The following CEP95 variants were observed in gnomAD, a reference collection of about 807,000 sequenced individuals.
CEP95 encodes centrosomal protein 95.
In CEP95, 98 loss-of-function variants were observed where a neutral mutation model predicts 111.2. The ratio of observed to expected loss-of-function variants is 0.88; its 90% CI spans 0.75 to 1.04. CEP95 has a LOEUF of 1.04. CEP95 is among the 50% of genes least tolerant of loss of function. The pLI is 0.00. For synonymous variants in CEP95, 323 were observed against 327.1 expected, an observed-to-expected ratio of 0.99 and a Z score of 0.14; for missense variants, 1,027 against 977.2, an observed-to-expected ratio of 1.05 and a Z score of -0.68.
chr17:64,515,164 G>A (rs1235166279), intron 4 of CEP95, among the ~76,000 whole-genome samples: 1 of 152,204 alleles, frequency 6.6e-6, no homozygotes, highest in Non-Finnish European at 1.5e-5. Flanking sequence ...CAAAAATTGA[G>A]TGTTTTATAG....
At chr17:64,528,427 G>A (rs537678480) in intron 11 of CEP95, among the ~76,000 whole-genome samples, 9 of 151,926 alleles carry the variant, frequency 5.9e-5, no homozygotes, top group African/African-American at 1.7e-4. Flanking sequence ...CCCTTTTTAT[G>A]TACATACACA....
intron 3 of CEP95, among the ~76,000 whole-genome samples, chr17:64,512,678 TACTG>T (rs560601616): frequency 2.0e-5 from 3 of 152,234 alleles, no homozygotes; most frequent in Non-Finnish European, 4.4e-5. Context: ...CTTAATTTGA[TACTG>T]ACAAGAACAA....
chr17:64,522,773 T>C lies in CEP95; in HGVS notation c.787T>C (p.Leu263=), dbSNP rs782066721. 1.2e-6 allele frequency: 2 copies of C among 1,613,720 alleles called. No individual in the cohort carries two copies. Among genetic ancestry groups the C allele is most frequent in the African/African-American group, 2.7e-5 (2 of 74,892 alleles). ...GGAGCCTATCCGAGCAGCTATTCCT[T>C]TACATCCACCCTACCACCCTTCAGA... ...LGEPIRAAIP[L]HPPYHPSEPR... is the part of the protein sequence containing the mutation. Residue 263 remains leucine (L), a synonymous_variant, in exon 8 of 20, where the codon TTA becomes CTA. Coordinates refer to ENST00000556440, the MANE Select transcript of CEP95 (RefSeq NM_138363.3).
At chr17:64,508,456 A>G in intron 1 of CEP95, 136 bp from the exon 2 acceptor site, 1 of 1,170,040 alleles carries the variant, frequency 8.5e-7, no homozygotes, top group Non-Finnish European at 1.1e-6. Flanking sequence ...GAAATTCTCT[A>G]ACAATCAAAT....
rs543630493 is a variant in CEP95, at chr17:64,507,556, G to T, written c.19+440G>T. 2.9e-6 allele frequency: 3 copies of T among 1,047,684 alleles called. No homozygotes were observed. In the African/African-American group the frequency reaches 5.1e-5, roughly 18 times the overall value. The allele number at this position is 1,047,684 out of a possible 1,614,324, so 64.9% of individuals were successfully genotyped here. ...CTGCAGAATAGTAGAATATGCCCCT[G>T]TAGAATAGTTGTGCTTTTTTCTCTT... On this transcript the variant is annotated intron_variant, in intron 1 of 19. Coordinates refer to ENST00000556440, the MANE Select transcript of CEP95 (RefSeq NM_138363.3).
At position 64,518,636 on chromosome 17, in the gene CEP95, T is replaced by C. The variant is rs185748388; in HGVS notation, c.474-685T>C. Among the ~76,000 whole-genome samples the C allele has an allele frequency of 3.3e-5, 5 of 152,294 alleles. No individual in the cohort carries two copies. In the East Asian group the frequency reaches 5.8e-4, roughly 18 times the overall value. On this transcript the variant is annotated intron_variant, in intron 5 of 19. Coordinates refer to ENST00000556440, the MANE Select transcript of CEP95 (RefSeq NM_138363.3). ...CAGGCAATGCCTTCTTTTTTAGGTATAGTACATTGTAAAAAATGTGTCTCA... is the reference window on the plus strand; with the variant it reads ...CAGGCAATGCCTTCTTTTTTAGGTACAGTACATTGTAAAAAATGTGTCTCA...
Position 64,537,688 on chromosome 17 carries a change from A to G in CEP95, c.2375A>G (p.Asp792Gly). The G allele has an allele frequency of 6.2e-7, 1 of 1,613,606 alleles. No individual in the cohort carries two copies. The highest frequency in any genetic ancestry group is 8.5e-7 in the Non-Finnish European group (1 of 1,179,678). ...CAGGACATGATAACACAGAATGATG[A>G]TGATGTTTTCTTCCGGGAACTGGAA... Reference protein sequence around the residue: ...QLQDMITQNDDDVFFRELEAE... With the variant: ...QLQDMITQNDGDVFFRELEAE... Residue 792 changes from aspartate to glycine, a missense_variant, in exon 20 of 20, where the codon GAT (aspartate) becomes GGT (glycine). Asp to Gly is a moderately conservative substitution (Grantham distance 94). Coordinates refer to ENST00000556440, the MANE Select transcript of CEP95 (RefSeq NM_138363.3).
intron 1 of CEP95, 115 bp downstream of exon 1, chr17:64,507,231 C>A: frequency 6.6e-7 from 1 of 1,523,628 alleles, no homozygotes; most frequent in Non-Finnish European, 8.8e-7. Flanking sequence ...GACCTTCAGA[C>A]GCCGCGTCGC....
chr17:64,510,203 A>G lies in CEP95; in HGVS notation c.179A>G (p.Asp60Gly), dbSNP rs1555674473. 6.2e-7 allele frequency: 1 copy of G among 1,610,508 alleles called. No individual in the cohort carries two copies. The highest frequency in any genetic ancestry group is 8.5e-7 in the Non-Finnish European group (1 of 1,178,224). Reference protein sequence around the residue: ...DLIVIPRSQEDDAHNVQAVID... With the variant: ...DLIVIPRSQEGDAHNVQAVID... ...ATAGTTATTCCTAGGAGTCAAGAAGATGATGCACACAATGTACAAGCAGTA... is the reference window on the plus strand; with the variant it reads ...ATAGTTATTCCTAGGAGTCAAGAAGGTGATGCACACAATGTACAAGCAGTA... Residue 60 changes from aspartate to glycine, a missense_variant, in exon 3 of 20, where the codon GAT becomes GGT. Asp to Gly is a moderately conservative substitution (Grantham distance 94, BLOSUM62 -1). Transcript: ENST00000556440.
At chr17:64,522,548 C>A in intron 7 of CEP95, among the ~76,000 whole-genome samples, 154 bp from the exon 8 acceptor site, 1 of 151,410 alleles carries the variant, frequency 6.6e-6, no homozygotes, top group East Asian at 1.9e-4. Flanking sequence ...GAGGCTATAT[C>A]CCTGGTTTAA....
intron 16 of CEP95, 110 bp downstream of exon 16, chr17:64,533,301 C>A: frequency 1.1e-6 from 1 of 873,472 alleles, no homozygotes; most frequent in East Asian, 2.7e-5. Context: ...TTAACACCTG[C>A]ATGTGGAAGT....
intron 16 of CEP95, chr17:64,534,235 A>G (rs1968486757): frequency 1.4e-5 from 3 of 220,346 alleles, no homozygotes; most frequent in Non-Finnish European, 2.7e-5. Context: ...TGCTCCTGGC[A>G]GCTCAGGCTC....
chr17:64,508,449 A>G, intron 1 of CEP95, 143 bp from the exon 2 acceptor site: 1 of 1,161,688 alleles, frequency 8.6e-7, no homozygotes, highest in Non-Finnish European at 1.1e-6. Context: ...GGTCTTTGAA[A>G]TTCTCTAACA....
At chr17:64,518,452 G>C (rs781824655) in intron 5 of CEP95, among the ~76,000 whole-genome samples, 35 of 152,122 alleles carry the variant, frequency 2.3e-4, no homozygotes, top group Non-Finnish European at 4.3e-4. Flanking sequence ...GCAATGCTGG[G>C]TTACAGGACC....
chr17:64,514,345 A>G lies in CEP95; in HGVS notation c.354A>G (p.Thr118=), dbSNP rs782495736. The G allele has an allele frequency of 6.1e-6, 9 of 1,478,360 alleles. No homozygotes were observed. In the East Asian group the frequency reaches 1.2e-4, roughly 20 times the overall value. The allele number at this position is 1,478,360 out of a possible 1,614,324, so 91.6% of individuals were successfully genotyped here. A position where few individuals can be genotyped will look rare whatever the true frequency, so the allele number is the denominator to read the frequency against. Residue 118 remains threonine, a synonymous_variant, in exon 4 of 20, where the codon ACA becomes ACG. Coordinates refer to ENST00000556440, the MANE Select transcript of CEP95 (RefSeq NM_138363.3). The part of the protein sequence containing the change: ...LEYLTERISE[T]SHEKSETEQY... Reference sequence around the variant, plus strand: ...ATCTTACAGAACGCATCAGTGAAACATCTCATGAGAAAAGTAAGTTTAAGA... The same window carrying G: ...ATCTTACAGAACGCATCAGTGAAACGTCTCATGAGAAAAGTAAGTTTAAGA...
In CEP95 at chr17:64,532,491, T is replaced by C. The variant is rs555945357; in HGVS notation, c.1673-348T>C. 8.0e-5 allele frequency: 79 copies of C among 985,424 alleles called. No individual in the cohort carries two copies. In the African/African-American group the frequency reaches 1.3e-3, roughly 17 times the overall value. The allele number at this position is 985,424 out of a possible 1,614,324, so 61.0% of individuals were successfully genotyped here. Reference sequence around the variant, plus strand: ...CTGCTGGCCCTCCTACTCTATCCTTTAGACCAGAAACTTTTTCTTCTAAGC... The same window carrying C: ...CTGCTGGCCCTCCTACTCTATCCTTCAGACCAGAAACTTTTTCTTCTAAGC... On this transcript the variant is annotated intron_variant, in intron 14 of 19. Transcript: ENST00000556440.
chr17:64,520,897 A>G (rs1312705559), intron 6 of CEP95, among the ~76,000 whole-genome samples: 1 of 152,210 alleles, frequency 6.6e-6, no homozygotes, highest in African/African-American at 2.4e-5. Context: ...TAAATTGTAT[A>G]AATGATTCTG....
chr17:64,513,665 A>G (rs1036252485), intron 3 of CEP95, among the ~76,000 whole-genome samples: 10 of 152,184 alleles, frequency 6.6e-5, no homozygotes, highest in African/African-American at 1.9e-4. Context: ...TTTTAATCAG[A>G]AAAATGGTAT....
At chr17:64,522,979 CGT>C (rs138961514) in intron 8 of CEP95, 84 bp downstream of exon 8, 13 of 1,049,262 alleles carry the variant, frequency 1.2e-5, no homozygotes, top group Non-Finnish European at 1.7e-5. Context: ...ATTAGAAGGC[CGT>C]GTGTGTGTAT....
Sources: allele counts gnomAD v4.1 joint callset (sites outside exome capture counted in the v4.1 genomes callset), GRCh38; gene constraint gnomAD v4.1.1; transcripts MANE v1.5; gene names NCBI Gene and HGNC (gene_info 2026-07-23, HGNC 2026-07-21).